The following ATF7 variants were observed in gnomAD, a reference collection of about 807,000 sequenced individuals.
ATF7 encodes the protein activating transcription factor 7.
ATF7 carries 10 observed loss-of-function variants against 50.4 expected under a neutral mutation model. That is an observed-to-expected ratio of 0.20 (90% CI 0.12 to 0.34). ATF7 has a LOEUF of 0.34. Among genes scored for constraint, ATF7 ranks in the 10% least tolerant of loss-of-function variants. ATF7 has a pLI of 1.00. For synonymous variants in ATF7, 201 were observed against 226.4 expected, an observed-to-expected ratio of 0.89 and a Z score of 1.01; for missense variants, 465 against 613.9, an observed-to-expected ratio of 0.76 and a Z score of 2.56.
In ATF7 at chr12:53,593,943, A is replaced by C. The variant is rs184703300; in HGVS notation, c.48+7010T>G. 2.6e-5 allele frequency among the ~76,000 whole-genome samples: 4 copies of C among 152,392 alleles called. No homozygotes were observed. The East Asian group carries it at 7.7e-4, about 29-fold the overall frequency. ...TCAGACAGAATGCGACTGCTGAGCAAGTCAATCTGCATTAAAGAAATACGC... is the reference window on the plus strand; with the variant it reads ...TCAGACAGAATGCGACTGCTGAGCACGTCAATCTGCATTAAAGAAATACGC... On this transcript the variant is annotated intron_variant, in intron 2 of 11. Transcript: ENST00000420353.
chr12:53,552,262 A>G (rs139409454), intron 3 of ATF7, among the ~76,000 whole-genome samples: 139 of 152,316 alleles, frequency 9.1e-4, no homozygotes, highest in African/African-American at 3.2e-3. Flanking sequence ...GTCTTAATAA[A>G]TAGAAAGAAA....
At position 53,552,546 on chromosome 12, in the gene ATF7, A is replaced by G; in HGVS notation, c.140T>C (p.Ile47Thr). 2 of 1,613,620 alleles carry G rather than the reference A, an allele frequency of 1.2e-6. No homozygotes were observed. Among genetic ancestry groups the G allele is most frequent in the Non-Finnish European group, 1.7e-6 (2 of 1,179,546 alleles). ...FGPARTDSVI[I>T]ADQTPTPTRF... ...GCTTTTGGGGCAGCAAATACCTGCA[A>G]TGATGACTGAGTCAGTTCGGGCTGG... The change falls in exon 3 of 12, where the codon ATT becomes ACT. Residue 47 changes from isoleucine (I) to threonine (T), a missense_variant. By Grantham distance (89) the Ile-to-Thr change is moderately conservative. Transcript: ENST00000420353.
chr12:53,548,676 A>C (rs1054745136), intron 3 of ATF7, among the ~76,000 whole-genome samples: 1 of 152,178 alleles, frequency 6.6e-6, no homozygotes, highest in Non-Finnish European at 1.5e-5. Context: ...TATATGTAGA[A>C]AGCATCATAG....
intron 11 of ATF7, among the ~76,000 whole-genome samples, chr12:53,519,271 T>A (rs1321673141): frequency 6.6e-6 from 1 of 152,178 alleles, no homozygotes; most frequent in Non-Finnish European, 1.5e-5. Context: ...AACTGGGATA[T>A]CTATCCTTAC....
At chr12:53,549,899 G>C (rs1006241722) in intron 3 of ATF7, among the ~76,000 whole-genome samples, 8 of 152,200 alleles carry the variant, frequency 5.3e-5, no homozygotes, top group Admixed American at 4.6e-4. Flanking sequence ...TGTATTTTTA[G>C]TAGAGACGGG....
rs538304359 is a variant in ATF7 at position 53,618,850 on chromosome 12, G to A, written c.-22+7429C>T. 9.2e-5 allele frequency among the ~76,000 whole-genome samples: 14 copies of A among 152,052 alleles called. No individual in the cohort carries two copies. The East Asian group carries it at 2.5e-3, about 27-fold the overall frequency. ...GTGGATTGCCTGAGCTCAGGCGTTCGAGACCACCCTGAGCAACATGGTGAA... is the reference window on the plus strand; with the variant it reads ...GTGGATTGCCTGAGCTCAGGCGTTCAAGACCACCCTGAGCAACATGGTGAA... On this transcript the variant is annotated intron_variant, in intron 1 of 11. Coordinates refer to ENST00000420353, the MANE Select transcript of ATF7 (RefSeq NM_006856.3).
At chr12:53,604,545 C>T (rs910742411) in intron 1 of ATF7, among the ~76,000 whole-genome samples, 1 of 152,018 alleles carries the variant, frequency 6.6e-6, no homozygotes, top group Non-Finnish European at 1.5e-5. Context: ...GTGATATTAC[C>T]ATTACAATAT....
At chr12:53,557,374 G>C (rs1274694446) in intron 2 of ATF7, among the ~76,000 whole-genome samples, 2 of 151,360 alleles carry the variant, frequency 1.3e-5, no homozygotes, top group Non-Finnish European at 2.9e-5. Context: ...GGCAATTTTT[G>C]TATTTTTTGT....
chr12:53,555,781 AT>A (rs1186080470), intron 2 of ATF7, among the ~76,000 whole-genome samples: 1 of 151,764 alleles, frequency 6.6e-6, no homozygotes, highest in African/African-American at 2.4e-5. Context: ...AAGTGCTAGA[AT>A]TATAGGTGTG....
chr12:53,573,084 CAAAA>C (rs75993824), intron 2 of ATF7, among the ~76,000 whole-genome samples: 4 of 68,324 alleles, frequency 5.9e-5, no homozygotes, highest in Admixed American at 1.6e-4. Flanking sequence ...TGTACCCGGC[CAAAA>C]AAAAAAAAAA....
intron 2 of ATF7, among the ~76,000 whole-genome samples, chr12:53,555,223 G>C (rs1940650103): frequency 6.6e-6 from 1 of 151,744 alleles, no homozygotes; most frequent in African/African-American, 2.4e-5. Flanking sequence ...GGGGGCTGGG[G>C]CTGAGGCAGG....
chr12:53,565,590 T>G (rs1489560885), intron 2 of ATF7, among the ~76,000 whole-genome samples: 1 of 152,020 alleles, frequency 6.6e-6, no homozygotes, highest in Non-Finnish European at 1.5e-5. Context: ...CCTCCCAGGT[T>G]CAAGTGATTC....
At chr12:53,594,121 A>C (rs974114073) in intron 2 of ATF7, among the ~76,000 whole-genome samples, 6 of 152,380 alleles carry the variant, frequency 3.9e-5, no homozygotes, top group South Asian at 2.1e-4. Flanking sequence ...CAGAGTGGCA[A>C]AGGAAGGATA....
At chr12:53,510,169 A>G (rs1217299412), downstream of ATF7, among the ~76,000 whole-genome samples, 1 of 151,064 alleles carries the variant, frequency 6.6e-6, no homozygotes, top group African/African-American at 2.4e-5. Flanking sequence ...CCTCCCGAGT[A>G]GCTGGGATTA....
intron 1 of ATF7, among the ~76,000 whole-genome samples, chr12:53,621,063 A>C (rs938158789): frequency 2.0e-5 from 3 of 152,250 alleles, no homozygotes; most frequent in African/African-American, 7.2e-5. Context: ...TAAGATACCC[A>C]AACAGCAACT....
rs1944202654 is a variant in ATF7 at position 53,513,720 on chromosome 12, A to G, written c.*3417T>C. 1 of 152,200 alleles carries G rather than the reference A, an allele frequency of 6.6e-6. No homozygotes were observed. The highest frequency in any genetic ancestry group is 1.5e-5 in the Non-Finnish European group (1 of 68,038). The allele number at this position is 152,200 out of a possible 1,614,324, so 9.4% of individuals were successfully genotyped here. A position where few individuals can be genotyped will look rare whatever the true frequency, so the allele number is the denominator to read the frequency against. ...GGCGGGGATAGCTGTATCAGGGGCT[A>G]GCACCTTTAAGGAGCCTCTCAGTGT... is the stretch of plus-strand genomic sequence containing the variant. On this transcript the variant is annotated 3_prime_UTR_variant, in exon 12 of 12. Coordinates refer to ENST00000420353, the MANE Select transcript of ATF7 (RefSeq NM_006856.3).
At chr12:53,596,022 G>T (rs1943136046) in intron 2 of ATF7, among the ~76,000 whole-genome samples, 1 of 152,130 alleles carries the variant, frequency 6.6e-6, no homozygotes, top group South Asian at 2.1e-4. Context: ...AGGTGGGCTG[G>T]GTGTGGTGGC....
Position 53,535,641 on chromosome 12 carries a change from T to G in ATF7, c.403-982A>C, listed in dbSNP as rs1376979920. Among the ~76,000 whole-genome samples, 5 of 152,188 alleles carry G rather than the reference T, an allele frequency of 3.3e-5. No individual in the cohort carries two copies. In the East Asian group the frequency reaches 9.6e-4, roughly 29 times the overall value. Reference sequence around the variant, plus strand: ...TATACTTTTCTGTACATGTACTATATTTCAATAAATGTATTAAAAATAGTA... The same window carrying G: ...TATACTTTTCTGTACATGTACTATAGTTCAATAAATGTATTAAAAATAGTA... On this transcript the variant is annotated intron_variant, in intron 5 of 11. Transcript: ENST00000420353.
intron 9 of ATF7, among the ~76,000 whole-genome samples, chr12:53,529,696 T>C (rs1345606430): frequency 2.2e-4 from 23 of 105,926 alleles, no homozygotes; most frequent in African/African-American, 7.1e-4. Flanking sequence ...TATAAATACA[T>C]ATATATATAC....
Sources: gnomAD v4.1 joint callset for allele counts (sites outside exome capture counted in the v4.1 genomes callset) on GRCh38, gnomAD v4.1.1 for gene constraint, MANE v1.5 for transcripts, NCBI Gene and HGNC (gene_info 2026-07-23, HGNC 2026-07-21) for gene names.